The following POLR1A variants were observed in gnomAD, a reference collection of about 807,000 sequenced individuals.
POLR1A encodes DNA-directed RNA polymerase I subunit RPA1.
A neutral mutation model predicts 205.3 loss-of-function variants in POLR1A; 84 were observed. That is an observed-to-expected ratio of 0.41 (90% CI 0.34 to 0.49). The LOEUF is 0.49. POLR1A is among the 20% of genes least tolerant of loss of function. The pLI is 0.22. For synonymous variants in POLR1A, 799 were observed against 863.7 expected, an observed-to-expected ratio of 0.93 and a Z score of 1.31; for missense variants, 1,645 against 2,204.5, an observed-to-expected ratio of 0.75 and a Z score of 5.08.
rs1269428319 is a variant in POLR1A at position 86,031,572 on chromosome 2, G to T, written c.4336C>A (p.Gln1446Lys). Residue 1446 changes from glutamine (Q) to lysine (K), a missense_variant, in exon 30 of 34, where the codon CAG becomes AAG. Gln to Lys is a moderately conservative substitution (Grantham distance 53, BLOSUM62 1). This residue lies in a region of POLR1A where 394 missense variants were observed against 468.5 expected (regional missense o/e 0.84). Transcript: ENST00000263857. ...TCCCTGTGGGGATTTCGTTCCTCCT[G>T]CATGTCTTCATCGTCGTTCTCCTCG... is the stretch of plus-strand genomic sequence containing the variant. ...EGEENDDEDM[Q>K]EERNPHREGA... 6.2e-7 allele frequency: 1 copy of T among 1,613,800 alleles called. No individual in the cohort carries two copies. Among genetic ancestry groups the T allele is most frequent in the African/African-American group, 1.3e-5 (1 of 74,918 alleles).
chr2:86,096,285 C>T (rs757102821), intron 3 of POLR1A, among the ~76,000 whole-genome samples: 3 of 152,044 alleles, frequency 2.0e-5, no homozygotes, highest in South Asian at 2.1e-4. Context: ...GGAGAGGATA[C>T]AAATGGAAAA....
intron 9 of POLR1A, 52 bp from the exon 10 acceptor site, chr2:86,078,336 C>A: frequency 6.9e-7 from 1 of 1,443,160 alleles, no homozygotes; most frequent in Non-Finnish European, 9.4e-7. Context: ...CTCCAAAAGG[C>A]CTGGCTTGAT....
chr2:86,043,885 C>A (rs531061201), intron 22 of POLR1A, among the ~76,000 whole-genome samples: 1 of 152,162 alleles, frequency 6.6e-6, no homozygotes, highest in South Asian at 2.1e-4. Flanking sequence ...GCCCAGCACA[C>A]GGCAAATGGC....
At chr2:86,059,427 T>C (rs1672957601) in intron 14 of POLR1A, among the ~76,000 whole-genome samples, 1 of 152,088 alleles carries the variant, frequency 6.6e-6, no homozygotes, top group Admixed American at 6.5e-5. Context: ...ATCAGGAAAA[T>C]GCATGCTTCA....
At chr2:86,080,660 T>C (rs938349713) in intron 9 of POLR1A, among the ~76,000 whole-genome samples, 156 bp downstream of exon 9, 3 of 152,296 alleles carry the variant, frequency 2.0e-5, no homozygotes, top group African/African-American at 7.2e-5. Flanking sequence ...CTAATGTTCC[T>C]AGGTGCCCCC....
intron 14 of POLR1A, among the ~76,000 whole-genome samples, chr2:86,059,972 T>C (rs1672967577): frequency 6.6e-6 from 1 of 152,212 alleles, no homozygotes; most frequent in Non-Finnish European, 1.5e-5. Context: ...TTTACTTTTA[T>C]AGTTTAAAAG....
chr2:86,078,795 T>A (rs1420683107), intron 9 of POLR1A, among the ~76,000 whole-genome samples: 1 of 152,266 alleles, frequency 6.6e-6, no homozygotes. Context: ...TCAACTAAGA[T>A]GTGGGTCTCC....
At chr2:86,056,322 G>A (rs1342435810) in intron 14 of POLR1A, among the ~76,000 whole-genome samples, 1 of 135,590 alleles carries the variant, frequency 7.4e-6, no homozygotes, top group Non-Finnish European at 1.6e-5. Context: ...CATGGTGGCG[G>A]GTGCCTGTTA....
In POLR1A at chr2:86,083,177, A is replaced by G. The variant is rs775144690; in HGVS notation, c.731-9T>C. 6.3e-7 allele frequency: 1 copy of G among 1,599,260 alleles called. No individual in the cohort carries two copies. Among genetic ancestry groups the G allele is most frequent in the South Asian group, 1.1e-5 (1 of 90,758 alleles). On this transcript the variant is annotated splice_polypyrimidine_tract_variant and intron_variant, in intron 6 of 33. Transcript: ENST00000263857. ...CTGAGCTTCCTCAATTCCTGGAGCC[A>G]AGGAGGAGAATCAAAGTGCAATAAA...
chr2:86,048,943 T>TA lies in POLR1A; in HGVS notation c.2574dup (p.Asn859Ter). 1 of 1,614,200 alleles carries TA rather than the reference T, an allele frequency of 6.2e-7. No individual in the cohort carries two copies. The highest frequency in any genetic ancestry group is 8.5e-7 in the Non-Finnish European group (1 of 1,179,984). ...TCCTTGAACTTCAGATCAATCATGT[T>TA]AAAATCCCTCTGGTCCTTGCCCAGA... is the stretch of plus-strand genomic sequence containing the variant. On this transcript the variant is annotated frameshift_variant, in exon 18 of 34. Transcript: ENST00000263857. LOFTEE classifies it high-confidence loss of function.
intron 14 of POLR1A, among the ~76,000 whole-genome samples, chr2:86,062,585 C>T (rs1050959713): frequency 2.0e-5 from 3 of 150,922 alleles, no homozygotes; most frequent in Admixed American, 6.6e-5. Flanking sequence ...GAAATTTATA[C>T]ATAAAATGCC....
At chr2:86,071,227 C>CGTGTGCGCGCGTGTGTGTGTGT (rs1558777042) in intron 12 of POLR1A, among the ~76,000 whole-genome samples, 1 of 147,250 alleles carries the variant, frequency 6.8e-6, no homozygotes, top group East Asian at 2.1e-4. Flanking sequence ...TCTCCGTGTG[C>CGTGTGCGCGCGTGTGTGTGTGT]ATGTGTGTGT....
intron 24 of POLR1A, among the ~76,000 whole-genome samples, chr2:86,041,368 C>T (rs1232470304): frequency 1.4e-4 from 13 of 92,830 alleles, no homozygotes; most frequent in South Asian, 7.0e-4. Context: ...TGTGTGTGCG[C>T]GCGCGCGCTG....
At chr2:86,040,589 G>A (rs1672583162) in intron 24 of POLR1A, 30 bp from the exon 25 acceptor site, 3 of 1,499,534 alleles carry the variant, frequency 2.0e-6, no homozygotes, top group Non-Finnish European at 2.7e-6. Flanking sequence ...GTCAGGGTGG[G>A]GGTTGTGGCA....
At chr2:86,084,909 C>T (rs749307584) in intron 6 of POLR1A, among the ~76,000 whole-genome samples, 13 of 152,116 alleles carry the variant, frequency 8.5e-5, no homozygotes, top group Non-Finnish European at 1.9e-4. Context: ...GAACAATTAA[C>T]AAATGCACCA....
intron 21 of POLR1A, 114 bp downstream of exon 21, chr2:86,045,164 T>G (rs778793319): frequency 1.4e-6 from 1 of 710,194 alleles, no homozygotes; most frequent in Non-Finnish European, 2.5e-6. Context: ...ATGGAAACTT[T>G]CCAAAAGTTT....
rs76086363 is a variant in POLR1A at position 86,072,761 on chromosome 2, T to C, written c.1611+2269A>G. ...AAGGCCCAGGGGATGGGGCAGAGCT[T>C]TCATACTTCATAGAGGAAATGGGTC... On this transcript the variant is annotated intron_variant, in intron 12 of 33. Coordinates refer to ENST00000263857, the MANE Select transcript of POLR1A (RefSeq NM_015425.6). 3.7e-3 allele frequency among the ~76,000 whole-genome samples: 564 copies of C among 152,298 alleles called. 3 individuals carry two copies. The highest frequency in any genetic ancestry group is 0.031 in the Middle Eastern group (9 of 294).
chr2:86,028,075 A>C lies in POLR1A; in HGVS notation c.4898-26T>G. 1 of 1,613,544 alleles carries C rather than the reference A, an allele frequency of 6.2e-7. No individual in the cohort carries two copies. ...CTGTCAAACGGGAGGTAAAATTAGG[A>C]GGGATTAAGCAGTGACCACGGGAGC... On this transcript the variant is annotated intron_variant, in intron 32 of 33. Coordinates refer to ENST00000263857, the MANE Select transcript of POLR1A (RefSeq NM_015425.6). This position sits in a 1 kb window ranked among gnomAD's most constrained non-coding sequence, Gnocchi z 4.5.
At chr2:86,097,587 T>G (rs1673729491) in intron 3 of POLR1A, among the ~76,000 whole-genome samples, 1 of 152,238 alleles carries the variant, frequency 6.6e-6, no homozygotes, top group African/African-American at 2.4e-5. Flanking sequence ...TCCTGTCATT[T>G]GCAACAACAT....
Sources: gnomAD v4.1 joint callset for allele counts (sites outside exome capture counted in the v4.1 genomes callset) on GRCh38, gnomAD v4.1.1 for gene constraint, gnomAD v4.1.1 regional missense constraint, Gnocchi (gnomAD v3.1) non-coding constraint, MANE v1.5 for transcripts, NCBI Gene and HGNC (gene_info 2026-07-23, HGNC 2026-07-21) for gene names.